Variants in PRKX observed in about 807,000 individuals in gnomAD.
PRKX encodes cAMP-dependent protein kinase catalytic subunit PRKX.
Under a neutral mutation model 22.0 loss-of-function variants are expected in PRKX, and 12 were observed. The observed-to-expected ratio is 0.54, with a 90% CI of 0.35 to 0.88. The LOEUF (loss-of-function observed/expected upper bound fraction) is 0.88, where lower values mean the gene tolerates loss of function less well. PRKX is among the 40% of genes least tolerant of loss of function. The pLI is 0.01. For synonymous variants in PRKX, 134 were observed against 137.7 expected (o/e 0.97, Z 0.19); for missense variants, 217 against 308.0 (o/e 0.70, Z 2.21).
In PRKX at chrX:3,638,882, G is replaced by A. The variant is rs1926957306; in HGVS notation, c.719+2970C>T. Among the ~76,000 whole-genome samples the A allele has an allele frequency of 2.8e-5, 3 of 105,704 alleles. No homozygotes were observed. The Admixed American group carries it at 3.2e-4, about 11-fold the overall frequency. 91.8% of individuals were successfully genotyped at this position (105,704 alleles called of 115,157 possible). The stretch of plus-strand genomic sequence containing the variant: ...GGATAGGCACATAGATAAATAGGAA[G>A]TAGATGGATAGATTGGTACATGAAT... On this transcript the variant is annotated intron_variant, in intron 4 of 8. Transcript: ENST00000262848.
chrX:3,640,792 C>A (rs1927062936), intron 4 of PRKX, among the ~76,000 whole-genome samples: 1 of 111,931 alleles, frequency 8.9e-6, no homozygotes, highest in Non-Finnish European at 1.9e-5. Flanking sequence ...AAAGACCCTG[C>A]TGATAAAACA....
chrX:3,707,495 A>G (rs1236942102), intron 1 of PRKX, among the ~76,000 whole-genome samples: 2 of 111,213 alleles, frequency 1.8e-5, no homozygotes, highest in East Asian at 5.7e-4. Context: ...AGGTCCCTGC[A>G]CACTTGGCAT....
At chrX:3,646,774 G>A (rs751474765) in intron 3 of PRKX, among the ~76,000 whole-genome samples, 1 of 110,435 alleles carries the variant, frequency 9.1e-6, no homozygotes, top group South Asian at 3.9e-4. Context: ...TTTCAGGCCC[G>A]TGAAGGGAGA....
intron 1 of PRKX, among the ~76,000 whole-genome samples, chrX:3,706,491 T>C (rs1022731348): frequency 9.0e-6 from 1 of 111,368 alleles, no homozygotes; most frequent in Non-Finnish European, 1.9e-5. Context: ...CTGGCCTCCC[T>C]TGAATTTTTA....
intron 1 of PRKX, among the ~76,000 whole-genome samples, chrX:3,698,981 T>TTG (rs1928500822): frequency 9.3e-6 from 1 of 108,001 alleles, no homozygotes; most frequent in African/African-American, 3.4e-5. Flanking sequence ...TTTTTTTTTT[T>TTG]TTGAGATGGA....
intron 3 of PRKX, among the ~76,000 whole-genome samples, chrX:3,648,097 G>A (rs570953374): frequency 9.9e-4 from 111 of 112,039 alleles, no homozygotes; most frequent in African/African-American, 3.3e-3. Flanking sequence ...TGCACAGACA[G>A]AGCTCCTGGC....
intron 2 of PRKX, among the ~76,000 whole-genome samples, chrX:3,663,915 C>T (rs1284627594): frequency 9.0e-6 from 1 of 111,394 alleles, no homozygotes; most frequent in African/African-American, 3.3e-5. Context: ...CTGGCAGCAG[C>T]GCTTGGGAAT....
chrX:3,629,609 G>A (rs1431910007), intron 4 of PRKX, among the ~76,000 whole-genome samples: 1 of 110,270 alleles, frequency 9.1e-6, no homozygotes, highest in Non-Finnish European at 1.9e-5. Flanking sequence ...CACACAACAG[G>A]TGCTCAATAA....
chrX:3,614,855 G>A (rs1026268474), intron 7 of PRKX, among the ~76,000 whole-genome samples: 6 of 109,839 alleles, frequency 5.5e-5, no homozygotes, highest in African/African-American at 1.3e-4. Flanking sequence ...CATTCTATGC[G>A]TGTGTCAAAA....
intron 4 of PRKX, among the ~76,000 whole-genome samples, chrX:3,636,116 G>C (rs775189123): frequency 4.4e-5 from 5 of 112,535 alleles, no homozygotes; most frequent in Non-Finnish European, 9.4e-5. Flanking sequence ...TCACATGGCA[G>C]ATTTTACCAA....
intron 5 of PRKX, among the ~76,000 whole-genome samples, chrX:3,622,250 G>A (rs1307291768): frequency 9.0e-6 from 1 of 111,266 alleles, no homozygotes; most frequent in Non-Finnish European, 1.9e-5. Context: ...GAGATTAGGT[G>A]AGTTCTAAAA....
intron 2 of PRKX, among the ~76,000 whole-genome samples, chrX:3,674,363 A>G (rs966682750): frequency 1.8e-5 from 2 of 111,862 alleles, no homozygotes; most frequent in African/African-American, 6.5e-5. Flanking sequence ...GGCCTTGGGC[A>G]CGGACTTCTG....
intron 3 of PRKX, among the ~76,000 whole-genome samples, chrX:3,643,690 C>T (rs1482138826): frequency 9.0e-6 from 1 of 111,006 alleles, no homozygotes; most frequent in African/African-American, 3.3e-5. Flanking sequence ...AGACCCTTCC[C>T]TCCCACCACT....
intron 1 of PRKX, among the ~76,000 whole-genome samples, chrX:3,694,647 G>A (rs926938046): frequency 5.4e-5 from 6 of 111,637 alleles, no homozygotes; most frequent in African/African-American, 2.0e-4. Context: ...ACATCCTCAT[G>A]TCCAGAACCT....
chrX:3,692,474 C>T (rs890440658), intron 1 of PRKX, among the ~76,000 whole-genome samples: 1 of 110,411 alleles, frequency 9.1e-6, no homozygotes, highest in Admixed American at 9.7e-5. Context: ...GCCACAAGCT[C>T]ACAAGTGGCT....
In PRKX at chrX:3,608,652, T is replaced by G. The variant is rs1428666442; in HGVS notation, c.*317A>C. On this transcript the variant is annotated 3_prime_UTR_variant, in exon 9 of 9. Coordinates refer to ENST00000262848, the MANE Select transcript of PRKX (RefSeq NM_005044.5). Reference sequence around the variant, plus strand: ...TGTGGTTATAATCGAACAAGTCCAGTTCAAACTTATAAACTTAAGTCTATG... The same window carrying G: ...TGTGGTTATAATCGAACAAGTCCAGGTCAAACTTATAAACTTAAGTCTATG... The G allele has an allele frequency of 1.9e-5, 2 of 106,754 alleles. No individual in the cohort carries two copies. Among genetic ancestry groups the G allele is most frequent in the Non-Finnish European group, 3.8e-5 (2 of 52,012 alleles). 8.8% of individuals were successfully genotyped at this position (106,754 alleles called of 1,213,427 possible).
intron 1 of PRKX, among the ~76,000 whole-genome samples, chrX:3,697,262 A>G (rs1049779544): frequency 9.0e-6 from 1 of 111,071 alleles, no homozygotes; most frequent in Admixed American, 9.6e-5. Flanking sequence ...GCTACTCGGG[A>G]AGGCGCGGCA....
intron 2 of PRKX, among the ~76,000 whole-genome samples, chrX:3,673,272 G>T: frequency 9.0e-6 from 1 of 111,389 alleles, no homozygotes; most frequent in Non-Finnish European, 1.9e-5. Flanking sequence ...AAAGAAGGGT[G>T]GCCTGGGAGA....
At chrX:3,684,302 T>C (rs1928132404) in intron 1 of PRKX, among the ~76,000 whole-genome samples, 1 of 111,558 alleles carries the variant, frequency 9.0e-6, no homozygotes, top group South Asian at 3.8e-4. Flanking sequence ...AAGCAAGAAT[T>C]TGGTAGGAGT....
Sources: gnomAD v4.1 joint callset for allele counts (sites outside exome capture counted in the v4.1 genomes callset) on GRCh38, gnomAD v4.1.1 for gene constraint, MANE v1.5 for transcripts, NCBI Gene and HGNC (gene_info 2026-07-23, HGNC 2026-07-21) for gene names.